Variants in CAMK4 observed in about 807,000 individuals in gnomAD.
CAMK4 encodes the protein calcium/calmodulin dependent protein kinase IV, also known as calcium/calmodulin-dependent protein kinase type IV.
A neutral mutation model predicts 44.9 loss-of-function variants in CAMK4; 22 were observed. The observed-to-expected ratio is 0.49, with a 90% CI of 0.35 to 0.70. The LOEUF is 0.70. Among genes scored for constraint, CAMK4 ranks in the 30% least tolerant of loss-of-function variants. The pLI is 0.01. For missense variants in CAMK4, 498 were observed against 586.8 expected, an observed-to-expected ratio of 0.85 and a Z score of 1.56; for synonymous variants, 218 against 215.4, an observed-to-expected ratio of 1.01 and a Z score of -0.11.
At chr5:111,354,514 G>C (rs972358032) in intron 2 of CAMK4, among the ~76,000 whole-genome samples, 1 of 151,214 alleles carries the variant, frequency 6.6e-6, no homozygotes, top group Admixed American at 6.6e-5. Flanking sequence ...ATTTTGCAAT[G>C]CGTACATCAG....
chr5:111,355,070 C>T (rs1750277953), intron 2 of CAMK4, among the ~76,000 whole-genome samples: 1 of 152,100 alleles, frequency 6.6e-6, no homozygotes, highest in African/African-American at 2.4e-5. Context: ...GGCAGGGTCA[C>T]CTTGGTCAGT....
At chr5:111,271,600 C>CA (rs1750522226) in intron 1 of CAMK4, among the ~76,000 whole-genome samples, 1 of 152,138 alleles carries the variant, frequency 6.6e-6, no homozygotes, top group African/African-American at 2.4e-5. Context: ...GAGACTGCAA[C>CA]AAGCATTAGG....
chr5:111,271,316 G>T (rs1750507656), intron 1 of CAMK4, among the ~76,000 whole-genome samples: 1 of 152,126 alleles, frequency 6.6e-6, no homozygotes, highest in Non-Finnish European at 1.5e-5. Flanking sequence ...CTGGGTTCTG[G>T]TTTCTTCAAC....
At chr5:111,399,562 A>C (rs1391086578) in intron 5 of CAMK4, among the ~76,000 whole-genome samples, 1 of 152,238 alleles carries the variant, frequency 6.6e-6, no homozygotes, top group Non-Finnish European at 1.5e-5. Context: ...GTAGGAGCTC[A>C]ATAAACACTT....
intron 5 of CAMK4, among the ~76,000 whole-genome samples, chr5:111,443,281 C>T (rs12515232): frequency 0.051 from 1,184 of 23,396 alleles, 4 homozygotes; most frequent in Non-Finnish European, 0.062. Flanking sequence ...TATATATATA[C>T]ACACACACAC....
chr5:111,275,926 A>AAAAAG (rs1415358043), intron 1 of CAMK4, among the ~76,000 whole-genome samples: 1 of 152,158 alleles, frequency 6.6e-6, no homozygotes, highest in Non-Finnish European at 1.5e-5. Context: ...TCAATTTTAA[A>AAAAAG]AAAAGAAAAG....
intron 2 of CAMK4, among the ~76,000 whole-genome samples, chr5:111,362,395 C>T (rs1750628262): frequency 6.6e-6 from 1 of 151,878 alleles, no homozygotes; most frequent in South Asian, 2.1e-4. Context: ...TTACATTCTG[C>T]TTATGGATAT....
intron 1 of CAMK4, among the ~76,000 whole-genome samples, chr5:111,299,565 T>C (rs925210578): frequency 4.6e-5 from 7 of 152,232 alleles, no homozygotes; most frequent in Non-Finnish European, 1.0e-4. Context: ...AATGTTTAAA[T>C]GAAAATATTT....
At chr5:111,345,836 G>A (rs528316902) in intron 2 of CAMK4, among the ~76,000 whole-genome samples, 12 of 152,012 alleles carry the variant, frequency 7.9e-5, no homozygotes, top group African/African-American at 2.4e-4. Flanking sequence ...CTGTCTTCTC[G>A]CTGTTGTGAA....
chr5:111,422,298 G>A (rs1753061994), intron 5 of CAMK4, among the ~76,000 whole-genome samples: 1 of 152,142 alleles, frequency 6.6e-6, no homozygotes, highest in Admixed American at 6.5e-5. Context: ...GTTCAGTAAC[G>A]AGCAGGTGCT....
intron 4 of CAMK4, among the ~76,000 whole-genome samples, chr5:111,393,543 G>A (rs1367904317): frequency 6.6e-6 from 1 of 152,120 alleles, no homozygotes; most frequent in Non-Finnish European, 1.5e-5. Context: ...GCAATACTAT[G>A]TAGCCATAAA....
chr5:111,366,528 C>A (rs1338448472), intron 2 of CAMK4, among the ~76,000 whole-genome samples: 2 of 152,244 alleles, frequency 1.3e-5, no homozygotes, highest in East Asian at 3.9e-4. Context: ...TACCACAAAG[C>A]AGAAACTGGT....
At chr5:111,364,143 T>G (rs1247923622) in intron 2 of CAMK4, among the ~76,000 whole-genome samples, 7 of 151,876 alleles carry the variant, frequency 4.6e-5, no homozygotes, top group Non-Finnish European at 8.8e-5. Flanking sequence ...GAAGCAGAGA[T>G]ATGCTTTGGA....
At chr5:111,317,259 C>G (rs1748464798) in intron 1 of CAMK4, among the ~76,000 whole-genome samples, 1 of 152,098 alleles carries the variant, frequency 6.6e-6, no homozygotes, top group Admixed American at 6.6e-5. Context: ...TTCACAGTTA[C>G]ATTACATAGT....
intron 2 of CAMK4, among the ~76,000 whole-genome samples, chr5:111,363,794 G>T (rs1335270288): frequency 6.6e-6 from 1 of 152,064 alleles, no homozygotes; most frequent in African/African-American, 2.4e-5. Context: ...ATAGGGTGAG[G>T]CCAAGCCATC....
At chr5:111,470,525 A>G (rs533311486) in intron 7 of CAMK4, among the ~76,000 whole-genome samples, 1 of 152,352 alleles carries the variant, frequency 6.6e-6, no homozygotes, top group Non-Finnish European at 1.5e-5. Flanking sequence ...TAAACTTTAT[A>G]TCTCAACATA....
At chr5:111,392,294 G>GGA (rs368125254) in intron 4 of CAMK4, among the ~76,000 whole-genome samples, 1 of 151,802 alleles carries the variant, frequency 6.6e-6, no homozygotes, top group Non-Finnish European at 1.5e-5. Flanking sequence ...TGGCAGAGCG[G>GGA]GAGAGAGAGA....
chr5:111,375,836 G>C (rs1751194358), intron 3 of CAMK4, among the ~76,000 whole-genome samples: 1 of 152,040 alleles, frequency 6.6e-6, no homozygotes, highest in East Asian at 1.9e-4. Context: ...GCCTAACATG[G>C]CTGCTCCACA....
chr5:111,475,209 G>A (rs1455087041), intron 8 of CAMK4, among the ~76,000 whole-genome samples: 1 of 151,932 alleles, frequency 6.6e-6, no homozygotes, highest in Non-Finnish European at 1.5e-5. Flanking sequence ...AGCTTGAGAG[G>A]AATTTGGAGA....
Sources: gnomAD v4.1 joint callset for allele counts (sites outside exome capture counted in the v4.1 genomes callset) on GRCh38, gnomAD v4.1.1 for gene constraint, MANE v1.5 for transcripts, NCBI Gene and HGNC (gene_info 2026-07-23, HGNC 2026-07-21) for gene names.